APCDD1L: variants seen among roughly 807,000 people sequenced by gnomAD.
The protein encoded by APCDD1L is protein APCDD1-like.
Under a neutral mutation model 24.2 loss-of-function variants are expected in APCDD1L, and 21 were observed. The observed-to-expected ratio is 0.87, with a 90% CI of 0.61 to 1.25. APCDD1L has a LOEUF of 1.25. Ranked by LOEUF, APCDD1L falls within the 50% of genes most tolerant of loss-of-function variation. APCDD1L has a pLI of 0.00. For missense variants in APCDD1L, 704 were observed against 711.7 expected (o/e 0.99, Z 0.12); for synonymous variants, 321 against 323.6 (o/e 0.99, Z 0.09).
intron 3 of APCDD1L, among the ~76,000 whole-genome samples, chr20:58,464,853 TTTC>T (rs1168980025): frequency 1.4e-4 from 12 of 84,666 alleles, no homozygotes; most frequent in African/African-American, 2.9e-4. Flanking sequence ...CTTTTCTTTC[TTTC>T]TTTTTTTTTT....
Position 58,492,524 on chromosome 20 carries a change from T to C in APCDD1L, c.50-21777A>G, listed in dbSNP as rs73616276. On this transcript the variant is annotated intron_variant, in intron 1 of 3. Coordinates refer to ENST00000371149, the MANE Select transcript of APCDD1L (RefSeq NM_153360.3). ...ACACTGGATTAGCCAAATTTATGAA[T>C]TGCAAAAATAGCAAGAGTAGGTGAG... is the stretch of plus-strand genomic sequence containing the variant. Among the ~76,000 whole-genome samples, 4,317 of 152,324 alleles carry C rather than the reference T, an allele frequency of 0.028. 390 individuals carry two copies. In the East Asian group the frequency reaches 0.29, roughly 10 times the overall value.
chr20:58,496,490 G>A (rs1053250682), intron 1 of APCDD1L, among the ~76,000 whole-genome samples: 6 of 152,266 alleles, frequency 3.9e-5, no homozygotes, highest in South Asian at 2.1e-4. Context: ...GAAGCCCAGC[G>A]AGGGGGCTGC....
chr20:58,466,028 C>T (rs1213674730), intron 3 of APCDD1L, among the ~76,000 whole-genome samples: 1 of 150,694 alleles, frequency 6.6e-6, no homozygotes, highest in Non-Finnish European at 1.5e-5. Context: ...TGGGAAGGTC[C>T]TAGGTCCACA....
At chr20:58,481,765 C>T (rs564350632) in intron 1 of APCDD1L, among the ~76,000 whole-genome samples, 1 of 152,312 alleles carries the variant, frequency 6.6e-6, no homozygotes, top group South Asian at 2.1e-4. Context: ...GAGGGTCACC[C>T]AGCCTCCCTC....
At chr20:58,481,672 G>A (rs574755071) in intron 1 of APCDD1L, among the ~76,000 whole-genome samples, 95 of 152,304 alleles carry the variant, frequency 6.2e-4, no homozygotes, top group African/African-American at 2.2e-3. Flanking sequence ...CTTCCACAAG[G>A]GGGCCCTCTT....
At chr20:58,481,478 C>A (rs1236920347) in intron 1 of APCDD1L, among the ~76,000 whole-genome samples, 1 of 152,200 alleles carries the variant, frequency 6.6e-6, no homozygotes, top group Admixed American at 6.5e-5. Flanking sequence ...ACCAGATCTT[C>A]CCCAGAGGGG....
At chr20:58,495,408 A>C (rs569299880) in intron 1 of APCDD1L, among the ~76,000 whole-genome samples, 1 of 152,308 alleles carries the variant, frequency 6.6e-6, no homozygotes, top group East Asian at 1.9e-4. Flanking sequence ...TAGAAGCCTT[A>C]TCAAACGCTG....
intron 1 of APCDD1L, among the ~76,000 whole-genome samples, chr20:58,486,455 G>A (rs1990118513): frequency 6.6e-6 from 1 of 152,094 alleles, no homozygotes; most frequent in Non-Finnish European, 1.5e-5. Flanking sequence ...AAGACAAAGA[G>A]GTTAAGAGAC....
chr20:58,495,586 AC>A (rs1361202968), intron 1 of APCDD1L, among the ~76,000 whole-genome samples: 5 of 152,026 alleles, frequency 3.3e-5, no homozygotes, highest in African/African-American at 1.2e-4. Flanking sequence ...TGAACCCAAC[AC>A]GTCTAGGTTG....
chr20:58,491,782 T>C (rs1371444386), intron 1 of APCDD1L, among the ~76,000 whole-genome samples: 2 of 152,204 alleles, frequency 1.3e-5, no homozygotes, highest in African/African-American at 4.8e-5. Flanking sequence ...TGAAAAATAG[T>C]AAGATATAGG....
chr20:58,488,505 G>C (rs2076518954), intron 1 of APCDD1L, among the ~76,000 whole-genome samples: 1 of 152,130 alleles, frequency 6.6e-6, no homozygotes, highest in Non-Finnish European at 1.5e-5. Context: ...CAAATAATTG[G>C]TATTATACAG....
Position 58,470,562 on chromosome 20 carries a change from A to G in APCDD1L, c.188+47T>C, listed in dbSNP as rs1250403009. On this transcript the variant is annotated intron_variant, in intron 2 of 3. Transcript: ENST00000371149. Reference sequence around the variant, plus strand: ...TTGGATGCCGAGTCCCAGAGGCAGAAGTCTCCCAGTCCAGGGGTCCATGGT... The same window carrying G: ...TTGGATGCCGAGTCCCAGAGGCAGAGGTCTCCCAGTCCAGGGGTCCATGGT... 3 of 1,530,572 alleles carry G rather than the reference A, an allele frequency of 2.0e-6. No homozygotes were observed. In the African/African-American group the frequency reaches 4.1e-5, roughly 21 times the overall value. The allele number at this position is 1,530,572 out of a possible 1,614,324, so 94.8% of individuals were successfully genotyped here.
intron 3 of APCDD1L, among the ~76,000 whole-genome samples, chr20:58,464,206 G>A (rs1056241389): frequency 2.6e-5 from 4 of 152,084 alleles, no homozygotes; most frequent in African/African-American, 9.7e-5. Context: ...GACATAATGC[G>A]TTACAGCAAC....
In APCDD1L at chr20:58,461,018, G is replaced by A; in HGVS notation, c.1278C>T (p.Leu426=). 1 of 1,614,094 alleles carries A rather than the reference G, an allele frequency of 6.2e-7. No individual in the cohort carries two copies. The highest frequency in any genetic ancestry group is 8.5e-7 in the Non-Finnish European group (1 of 1,179,996). Residue 426 remains leucine (L), a synonymous_variant, in exon 4 of 4, where the codon CTC becomes CTT. Transcript: ENST00000371149. This position sits in a 1 kb window ranked among gnomAD's most constrained non-coding sequence, Gnocchi z 6.0. ...CATCGGTGGGCCTTTGTCCGATGAA[G>A]AGCAGGCTTTGCCCGAGGGGGTCTT... The part of the protein sequence containing the change: ...MEQDPLGQSL[L]FIGQRPTDGS...
Position 58,491,072 on chromosome 20 carries a change from G to A in APCDD1L, c.50-20325C>T, listed in dbSNP as rs567873593. ...ATTTGATAAAATTCCAAACCCATTC[G>A]TAATTTAAAAATGAGAAATAGTTTG... On this transcript the variant is annotated intron_variant, in intron 1 of 3. Coordinates refer to ENST00000371149, the MANE Select transcript of APCDD1L (RefSeq NM_153360.3). Among the ~76,000 whole-genome samples the A allele has an allele frequency of 2.6e-5, 4 of 152,210 alleles. No homozygotes were observed. The South Asian group carries it at 8.3e-4, about 32-fold the overall frequency.
chr20:58,480,569 C>T (rs576148001), intron 1 of APCDD1L, among the ~76,000 whole-genome samples: 22 of 152,240 alleles, frequency 1.4e-4, no homozygotes, highest in Non-Finnish European at 2.8e-4. Flanking sequence ...CAATGGAAAA[C>T]GCTGCGTATG....
intron 1 of APCDD1L, chr20:58,513,768 T>A (rs1341557124): frequency 4.5e-6 from 3 of 664,372 alleles, no homozygotes; most frequent in South Asian, 4.4e-5. Context: ...TGTGAGCCCA[T>A]TTGACAGGAA....
At chr20:58,482,180 A>C (rs1276798114) in intron 1 of APCDD1L, among the ~76,000 whole-genome samples, 2 of 152,240 alleles carry the variant, frequency 1.3e-5, no homozygotes, top group East Asian at 3.8e-4. Context: ...TCTTTCATAC[A>C]TTCAAAATAA....
chr20:58,499,549 C>T (rs1301913049), intron 1 of APCDD1L, among the ~76,000 whole-genome samples: 1 of 152,234 alleles, frequency 6.6e-6, no homozygotes. Context: ...ACTTCCTTGC[C>T]CTCAAGAGCT....
Sources: gnomAD v4.1 joint callset for allele counts (sites outside exome capture counted in the v4.1 genomes callset) on GRCh38, gnomAD v4.1.1 for gene constraint, Gnocchi (gnomAD v3.1) non-coding constraint, MANE v1.5 for transcripts, NCBI Gene and HGNC (gene_info 2026-07-23, HGNC 2026-07-21) for gene names.